COL4A4: variants seen among roughly 807,000 people sequenced by gnomAD.
COL4A4 encodes collagen alpha-4(IV) chain.
In COL4A4, 105 loss-of-function variants were observed where a neutral mutation model predicts 192.9. The ratio of observed to expected loss-of-function variants is 0.54; its 90% CI spans 0.46 to 0.64. COL4A4 has a LOEUF of 0.64. Ranked by LOEUF, COL4A4 falls within the 30% of genes least tolerant of loss-of-function variation. COL4A4 has a pLI of 0.00. For synonymous variants in COL4A4, 762 were observed against 769.9 expected (o/e 0.99, Z 0.17); for missense variants, 1,967 against 2,169.3 (o/e 0.91, Z 1.85).
In COL4A4 at chr2:227,094,288, G is replaced by T. The variant is rs1034951717; in HGVS notation, c.1206C>A (p.Gly402=). Residue 402 remains glycine (G), a splice_region_variant and synonymous_variant, in exon 20 of 48, where the codon GGC becomes GGA. Coordinates refer to ENST00000396625, the MANE Select transcript of COL4A4 (RefSeq NM_000092.5). ...CTTGTGGCCCAGGGGGTCCTATCATGCCTGCAAGATAAATCAAGAATGAAA... is the reference window on the plus strand; with the variant it reads ...CTTGTGGCCCAGGGGGTCCTATCATTCCTGCAAGATAAATCAAGAATGAAA... The part of the protein sequence containing the change: ...LLGRPGEACA[G]MIGPPGPQGF... The T allele has an allele frequency of 6.2e-7, 1 of 1,613,316 alleles. No homozygotes were observed. The highest frequency in any genetic ancestry group is 8.5e-7 in the Non-Finnish European group (1 of 1,179,768).
chr2:226,996,644 T>C, the COL4A4 span: 5 of 152,226 alleles, frequency 3.3e-5, no homozygotes, highest in Non-Finnish European at 7.3e-5. Context: ...ATAATAGATA[T>C]GCCTTCCAGA....
intron 46 of COL4A4, among the ~76,000 whole-genome samples, chr2:227,009,394 TG>T (rs956691843): frequency 1.3e-5 from 2 of 152,168 alleles, no homozygotes; most frequent in African/African-American, 4.8e-5. Context: ...TCCCGCAGCT[TG>T]CAAATCTACT....
intron 1 of COL4A4, among the ~76,000 whole-genome samples, chr2:227,161,856 C>T (rs954986197): frequency 6.6e-6 from 1 of 152,040 alleles, no homozygotes; most frequent in Non-Finnish European, 1.5e-5. Context: ...TTGCCTCCAG[C>T]CATTTTAGTA....
intron 37 of COL4A4, among the ~76,000 whole-genome samples, chr2:227,039,631 T>C (rs1322976403): frequency 6.6e-6 from 1 of 152,142 alleles, no homozygotes; most frequent in Non-Finnish European, 1.5e-5. Flanking sequence ...CCTTGCTGTG[T>C]TACTAAACTG....
chr2:227,047,731 CCACACACACA>C (rs71036155), intron 34 of COL4A4, among the ~76,000 whole-genome samples, 182 bp from the exon 35 acceptor site: 1,816 of 146,340 alleles, frequency 0.012, 26 homozygotes, highest in African/African-American at 0.044. Context: ...AATTTACATA[CCACACACACA>C]CACACACACA....
chr2:227,095,661 G>A (rs747783582), intron 19 of COL4A4, among the ~76,000 whole-genome samples: 5 of 152,188 alleles, frequency 3.3e-5, no homozygotes, highest in Admixed American at 1.3e-4. Context: ...TTGGGAGGCC[G>A]AGGCAGGCAG....
At chr2:227,065,927 G>A (rs1008583951) in intron 25 of COL4A4, among the ~76,000 whole-genome samples, 1 of 152,224 alleles carries the variant, frequency 6.6e-6, no homozygotes, top group Non-Finnish European at 1.5e-5. Flanking sequence ...AAATTACTCC[G>A]AGCTACGGGG....
chr2:227,147,952 A>G (rs1042986762), intron 1 of COL4A4, among the ~76,000 whole-genome samples: 2 of 151,864 alleles, frequency 1.3e-5, no homozygotes, highest in African/African-American at 4.8e-5. Context: ...AATTCACTCA[A>G]ATGCTTCTTT....
intron 22 of COL4A4, among the ~76,000 whole-genome samples, chr2:227,085,816 A>G (rs1027953889): frequency 6.6e-6 from 1 of 152,182 alleles, no homozygotes; most frequent in Non-Finnish European, 1.5e-5. Flanking sequence ...ACTGGGGATT[A>G]CATTTCAACA....
At chr2:226,980,883 T>C in the COL4A4 span, among the ~76,000 whole-genome samples, 6 of 152,220 alleles carry the variant, frequency 3.9e-5, no homozygotes, top group Non-Finnish European at 8.8e-5. Flanking sequence ...ATAATTAATG[T>C]CTATTAATAG....
In COL4A4 at chr2:227,099,632, G is replaced by A. The variant is rs560819344; in HGVS notation, c.1087C>T (p.Leu363Phe). ...GPPGVLVTPP[L>F]PLKGPPGDPG... Reference sequence around the variant, plus strand: ...TAGGAACACAAACCTTTGAGTGGAAGAGGTGGAGTCACCAAAACACCTGGT... The same window carrying A: ...TAGGAACACAAACCTTTGAGTGGAAAAGGTGGAGTCACCAAAACACCTGGT... Residue 363 changes from leucine (L) to phenylalanine (F), a missense_variant, in exon 18 of 48, where the codon CTT becomes TTT. By Grantham distance (22) the Leu-to-Phe change is conservative. Coordinates refer to ENST00000396625, the MANE Select transcript of COL4A4 (RefSeq NM_000092.5). 1.2e-5 allele frequency: 20 copies of A among 1,613,998 alleles called. No individual in the cohort carries two copies. The highest frequency in any genetic ancestry group is 1.6e-5 in the Non-Finnish European group (19 of 1,179,980).
chr2:227,058,943 C>T (rs1976194950), intron 28 of COL4A4, among the ~76,000 whole-genome samples: 2 of 152,164 alleles, frequency 1.3e-5, no homozygotes, highest in African/African-American at 2.4e-5. Context: ...ATGAAGGTCC[C>T]TCTACCCTGT....
intron 35 of COL4A4, among the ~76,000 whole-genome samples, chr2:227,044,538 G>A (rs894877179): frequency 1.3e-5 from 2 of 151,992 alleles, no homozygotes; most frequent in African/African-American, 2.4e-5. Context: ...GTCTCACTAT[G>A]TATTATCTTA....
Position 227,047,518 on chromosome 2 carries a change from A to T in COL4A4, c.3246T>A (p.Gly1082=). 1.2e-6 allele frequency: 2 copies of T among 1,613,804 alleles called. No individual in the cohort carries two copies. Among genetic ancestry groups the T allele is most frequent in the Non-Finnish European group, 1.7e-6 (2 of 1,179,798 alleles). ...CTGGCTCACCCTTTGGACCAGGTGG[A>T]CCAAAGTGACTGGCAGGGTCACCTT... ...GNKGDPASHF[G]PPGPKGEPGS... Residue 1082 remains glycine, a synonymous_variant, in exon 35 of 48, where the codon GGT becomes GGA. Coordinates refer to ENST00000396625, the MANE Select transcript of COL4A4 (RefSeq NM_000092.5).
rs545524504 is a variant in COL4A4, at chr2:227,119,673, A to T, written c.372+222T>A. Among the ~76,000 whole-genome samples the T allele has an allele frequency of 7.4e-5, 11 of 148,762 alleles. No individual in the cohort carries two copies. In the East Asian group the frequency reaches 1.9e-3, roughly 26 times the overall value. On this transcript the variant is annotated intron_variant, in intron 6 of 47. Coordinates refer to ENST00000396625, the MANE Select transcript of COL4A4 (RefSeq NM_000092.5). ...CAACCTAATGTATTCTATATCTTGT[A>T]TATCTAATATATATCTTTTATATAT...
At chr2:227,055,812 A>G (rs1975196603) in intron 30 of COL4A4, 133 bp downstream of exon 30, 2 of 766,428 alleles carry the variant, frequency 2.6e-6, no homozygotes, top group East Asian at 4.9e-5. Flanking sequence ...AGAGCAAGGG[A>G]GGCATCATTA....
chr2:227,128,340 G>A (rs2062212478), intron 4 of COL4A4, among the ~76,000 whole-genome samples: 2 of 152,276 alleles, frequency 1.3e-5, no homozygotes, highest in Admixed American at 6.5e-5. Context: ...TACACTCAAT[G>A]TTCTTTTATA....
intron 46 of COL4A4, 89 bp from the exon 47 acceptor site, chr2:227,008,393 T>C: frequency 6.9e-7 from 1 of 1,449,816 alleles, no homozygotes; most frequent in Non-Finnish European, 9.6e-7. Context: ...CCTTTGCAGA[T>C]ACGTGTTCTG....
intron 7 of COL4A4, among the ~76,000 whole-genome samples, chr2:227,116,311 A>G (rs78576060): frequency 0.05 from 7,576 of 152,246 alleles, 645 homozygotes; most frequent in African/African-American, 0.17. Context: ...GATAAAACAC[A>G]TAGGTTTCAA....
Sources: allele counts gnomAD v4.1 joint callset (sites outside exome capture counted in the v4.1 genomes callset), GRCh38; gene constraint gnomAD v4.1.1; transcripts MANE v1.5; gene names NCBI Gene and HGNC (gene_info 2026-07-23, HGNC 2026-07-21).